RNF213: variants seen among roughly 807,000 people sequenced by gnomAD.
The protein encoded by RNF213 is E3 ubiquitin-protein ligase RNF213.
Under a neutral mutation model 514.4 loss-of-function variants are expected in RNF213, and 341 were observed. That is an observed-to-expected ratio of 0.66 (90% CI 0.61 to 0.73). RNF213 has a LOEUF of 0.73. Ranked by LOEUF, RNF213 falls within the 30% of genes least tolerant of loss-of-function variation. The probability of loss-of-function intolerance (pLI) is 0.00; values close to 1 mark genes in which losing one functional copy is unlikely to be tolerated. For synonymous variants in RNF213, 2,655 were observed against 2,658.2 expected (o/e 1.00, Z 0.04); for missense variants, 5,767 against 6,615.6 (o/e 0.87, Z 4.45).
chr17:80,335,084 G>A (rs1453728571), intron 22 of RNF213, among the ~76,000 whole-genome samples: 1 of 152,076 alleles, frequency 6.6e-6, no homozygotes, highest in African/African-American at 2.4e-5. Flanking sequence ...ACCACACCCA[G>A]CTACTTTTTT....
rs777997220 is a variant in RNF213 at position 80,294,947 on chromosome 17, A to G, written c.1699A>G (p.Met567Val). The stretch of plus-strand genomic sequence containing the variant: ...GTTTTGCTTTGTCCTGCAACAGCCT[A>G]TGATTTATGAAGGACAGGCACAGCT... ...EQFCFVLQQP[M>V]IYEGQAQLWT... Residue 567 changes from methionine to valine, a missense_variant, in exon 9 of 68, where the codon ATG (methionine) becomes GTG (valine). Met to Val is a conservative substitution (Grantham distance 21). Coordinates refer to ENST00000582970, the MANE Select transcript of RNF213 (RefSeq NM_001256071.3). The G allele has an allele frequency of 1.4e-5, 23 of 1,614,032 alleles. No individual in the cohort carries two copies. Among genetic ancestry groups the G allele is most frequent in the Admixed American group, 6.7e-5 (4 of 59,996 alleles).
In RNF213 at chr17:80,340,779, C is replaced by T. The variant is rs537907998; in HGVS notation, c.5989+423C>T. ...GGGATTACAGGTACCCACCGCCATC[C>T]CTGGCTAATTTATTTTTTTTTGTTT... On this transcript the variant is annotated intron_variant, in intron 26 of 67. Coordinates refer to ENST00000582970, the MANE Select transcript of RNF213 (RefSeq NM_001256071.3). 8 of 167,394 alleles carry T rather than the reference C, an allele frequency of 4.8e-5. No individual in the cohort carries two copies. The East Asian group carries it at 1.1e-3, about 23-fold the overall frequency. The allele number at this position is 167,394 out of a possible 1,614,324, so 10.4% of individuals were successfully genotyped here. A position where few individuals can be genotyped will look rare whatever the true frequency, so the allele number is the denominator to read the frequency against.
Position 80,319,210 on chromosome 17 carries a change from CACTGCCT to C in RNF213, c.2928_2934del (p.Tyr977IlefsTer9). 6.2e-7 allele frequency: 1 copy of C among 1,614,210 alleles called. No homozygotes were observed. The highest frequency in any genetic ancestry group is 1.6e-4 in the Middle Eastern group (1 of 6,062). Reference sequence around the variant, plus strand: ...TGCAGGAGGAACCCCTCTCCCAGATCACTGCCTACTGCAATAGTTGCTGGGACACCAA... The same window carrying C: ...TGCAGGAGGAACCCCTCTCCCAGATCACTGCAATAGTTGCTGGGACACCAA... On this transcript the variant is annotated frameshift_variant, in exon 17 of 68. Coordinates refer to ENST00000582970, the MANE Select transcript of RNF213 (RefSeq NM_001256071.3). LOFTEE classifies it high-confidence loss of function.
At chr17:80,294,622 A>C in intron 8 of RNF213, 98 bp from the exon 9 acceptor site, 3 of 1,429,608 alleles carry the variant, frequency 2.1e-6, no homozygotes, top group Non-Finnish European at 3.0e-6. Flanking sequence ...CATTTACTCC[A>C]TATCTGTACC....
At chr17:80,384,344 T>C (rs750621319) in intron 59 of RNF213, among the ~76,000 whole-genome samples, 8 of 151,610 alleles carry the variant, frequency 5.3e-5, no homozygotes, top group Non-Finnish European at 1.0e-4. Flanking sequence ...AAGACGGGAG[T>C]GAGTGGGTGT....
At position 80,386,810 on chromosome 17, in the gene RNF213, C is replaced by T. The variant is rs139685293; in HGVS notation, c.14841C>T (p.Thr4947=). The change falls in exon 63 of 68, where the codon ACC becomes ACT. Residue 4947 remains threonine, a synonymous_variant. Transcript: ENST00000582970. ...ACCAGGTGGAGGAGGGCAGAGAGAC[C>T]GTGCAGGAGTTCGATCTGGAGAAGA... ...CQYQVEEGRE[T]VQEFDLEKIQ... The T allele has an allele frequency of 2.8e-4, 458 of 1,614,194 alleles. No homozygotes were observed. The African/African-American group carries it at 5.2e-3, about 18-fold the overall frequency.
Position 80,363,276 on chromosome 17 carries a change from GA to G in RNF213, c.11532del (p.Ala3845ProfsTer12). The G allele has an allele frequency of 6.2e-7, 1 of 1,614,022 alleles. No homozygotes were observed. The highest frequency in any genetic ancestry group is 1.3e-5 in the African/African-American group (1 of 75,020). ...IYPQVLHSLM[E>X]ARWNHELAGC... ...CCCTCAGGTTCTCCACAGCCTGATG[GA>G]AGCCCGTTGGAACCATGAGCTGGCT... On this transcript the variant is annotated frameshift_variant, in exon 40 of 68. Transcript: ENST00000582970. LOFTEE classifies it high-confidence loss of function.
intron 11 of RNF213, among the ~76,000 whole-genome samples, chr17:80,304,695 G>T (rs1345476129): frequency 1.3e-5 from 2 of 151,910 alleles, no homozygotes; most frequent in African/African-American, 4.8e-5. Flanking sequence ...AATTATTGGG[G>T]TATATCCCTT....
chr17:80,373,247 ACACCCTAC>A, intron 49 of RNF213, 82 bp downstream of exon 49: 1 of 983,398 alleles, frequency 1.0e-6, no homozygotes, highest in Non-Finnish European at 1.4e-6. Flanking sequence ...CCCTACCCTC[ACACCCTAC>A]CCCCCCCACA....
intron 59 of RNF213, 67 bp downstream of exon 59, chr17:80,383,995 C>G: frequency 6.3e-7 from 1 of 1,593,680 alleles, no homozygotes. Flanking sequence ...CCTGAAGGCC[C>G]TGGGCTTTTA....
chr17:80,391,039 G>C (rs888141460), intron 67 of RNF213, among the ~76,000 whole-genome samples: 1 of 152,044 alleles, frequency 6.6e-6, no homozygotes, highest in Non-Finnish European at 1.5e-5. Flanking sequence ...TCCAGCCTGG[G>C]CAACAGAGGG....
intron 22 of RNF213, 48 bp from the exon 23 acceptor site, chr17:80,336,113 G>T: frequency 2.1e-6 from 3 of 1,435,794 alleles, no homozygotes; most frequent in Non-Finnish European, 2.8e-6. Context: ...CGAGTCTTGT[G>T]CTATCGTGGA....
rs2077985276 is a variant in RNF213, at chr17:80,336,287, T to C, written c.4436T>C (p.Leu1479Pro). Residue 1479 changes from leucine (L) to proline (P), a missense_variant, in exon 23 of 68, where the codon CTG becomes CCG. Leu to Pro is a moderately conservative substitution (Grantham distance 98, BLOSUM62 -3). Around this residue, in one of 13 missense-constraint regions of RNF213, gnomAD observed 1,377 missense variants for 1,635.2 expected, o/e 0.84. Coordinates refer to ENST00000582970, the MANE Select transcript of RNF213 (RefSeq NM_001256071.3). ...VQGYASLLFK[L>P]DPSVDFSAFM... is the part of the protein sequence containing the mutation. ...GGCTACGCATCCCTGCTATTTAAGCTGGACCCCAGCGTGGACTTCAGTGCA... is the reference window on the plus strand; with the variant it reads ...GGCTACGCATCCCTGCTATTTAAGCCGGACCCCAGCGTGGACTTCAGTGCA... 1 of 1,537,244 alleles carries C rather than the reference T, an allele frequency of 6.5e-7. No individual in the cohort carries two copies. The highest frequency in any genetic ancestry group is 2.4e-5 in the East Asian group (1 of 40,908).
In RNF213 at chr17:80,309,185, A is replaced by T. The variant is rs753276692; in HGVS notation, c.2655+14A>T. On this transcript the variant is annotated intron_variant, in intron 14 of 67. Coordinates refer to ENST00000582970, the MANE Select transcript of RNF213 (RefSeq NM_001256071.3). ...CTATCTCTGGTGGTAAGTGGAGTCA[A>T]CACACAAGGTATCACACCCGGGATA... 3 of 1,614,176 alleles carry T rather than the reference A, an allele frequency of 1.9e-6. No individual in the cohort carries two copies. In the South Asian group the frequency reaches 3.3e-5, roughly 18 times the overall value.
In RNF213 at chr17:80,288,700, C is replaced by G; in HGVS notation, c.878C>G (p.Thr293Ser). Residue 293 changes from threonine (T) to serine (S), a missense_variant, in exon 5 of 68, where the codon ACC (threonine) becomes AGC (serine). By Grantham distance (58) the Thr-to-Ser change is moderately conservative. Coordinates refer to ENST00000582970, the MANE Select transcript of RNF213 (RefSeq NM_001256071.3). This position sits in a 1 kb window ranked among gnomAD's most constrained non-coding sequence, Gnocchi z 4.9. ...GCCGGGAAGGAAATGAAAGAGAAGA[C>G]CCAGAGAATGAAACAGCCACCAGCA... ...KGAGKEMKEK[T>S]QRMKQPPATT... 3 of 1,614,198 alleles carry G rather than the reference C, an allele frequency of 1.9e-6. No homozygotes were observed. The highest frequency in any genetic ancestry group is 2.5e-6 in the Non-Finnish European group (3 of 1,180,038).
intron 30 of RNF213, 147 bp downstream of exon 30, chr17:80,350,053 C>T (rs771211275): frequency 6.6e-5 from 64 of 975,244 alleles, no homozygotes; most frequent in Non-Finnish European, 1.0e-4. Flanking sequence ...CCCAGCATCC[C>T]TCTCATCTCC....
intron 15 of RNF213, among the ~76,000 whole-genome samples, chr17:80,313,430 TGA>T: frequency 9.6e-5 from 1 of 10,434 alleles, no homozygotes; most frequent in Non-Finnish European, 2.1e-4. Context: ...GGTGTGGAGG[TGA>T]TGGTGATGGT....
intron 37 of RNF213, 68 bp from the exon 38 acceptor site, chr17:80,359,993 A>T: frequency 6.5e-7 from 1 of 1,542,182 alleles, no homozygotes; most frequent in Middle Eastern, 1.7e-4. Flanking sequence ...CATCAGTGGC[A>T]GATCTTATCT....
At chr17:80,372,029 TG>T in intron 47 of RNF213, 44 bp downstream of exon 47, 1 of 993,502 alleles carries the variant, frequency 1.0e-6, no homozygotes, top group Non-Finnish European at 1.6e-6. Context: ...GGAAACTATC[TG>T]AACCACATGG....
Sources: allele counts gnomAD v4.1 joint callset (sites outside exome capture counted in the v4.1 genomes callset), GRCh38; gene constraint gnomAD v4.1.1; regional missense constraint gnomAD v4.1.1; non-coding constraint Gnocchi (gnomAD v3.1); transcripts MANE v1.5; gene names NCBI Gene and HGNC (gene_info 2026-07-23, HGNC 2026-07-21).